The following KIF26B variants were observed in gnomAD, a reference collection of about 807,000 sequenced individuals.
KIF26B encodes the protein kinesin-like protein KIF26B.
KIF26B carries 63 observed loss-of-function variants against 151.2 expected under a neutral mutation model. That is an observed-to-expected ratio of 0.42 (90% confidence interval 0.34 to 0.51). The LOEUF is 0.51. Among genes scored for constraint, KIF26B ranks in the 20% least tolerant of loss-of-function variants. The pLI is 0.07. For synonymous variants in KIF26B, 1,357 were observed against 1,262.1 expected, an observed-to-expected ratio of 1.08 and a Z score of -1.59; for missense variants, 2,813 against 2,913.6, an observed-to-expected ratio of 0.97 and a Z score of 0.79.
intron 4 of KIF26B, among the ~76,000 whole-genome samples, chr1:245,513,663 G>A (rs539460341): frequency 3.3e-5 from 5 of 152,274 alleles, no homozygotes; most frequent in South Asian, 2.1e-4. Context: ...CTGGACAGCC[G>A]TCTTTCTAAC....
chr1:245,586,420 G>A (rs1478406966), intron 5 of KIF26B, among the ~76,000 whole-genome samples: 1 of 152,148 alleles, frequency 6.6e-6, no homozygotes, highest in African/African-American at 2.4e-5. Flanking sequence ...TGTGATTACA[G>A]AGCAGTGGTA....
At chr1:245,258,225 G>A (rs1226813853) in intron 2 of KIF26B, among the ~76,000 whole-genome samples, 2 of 152,160 alleles carry the variant, frequency 1.3e-5, no homozygotes, top group African/African-American at 4.8e-5. Flanking sequence ...TGTACATGAA[G>A]CCCCAGCGTC....
intron 10 of KIF26B, among the ~76,000 whole-genome samples, chr1:245,677,879 G>T (rs575490302): frequency 1.3e-5 from 2 of 152,374 alleles, no homozygotes; most frequent in South Asian, 4.1e-4. Context: ...TGAGACCTAG[G>T]AGACCCTTTG....
rs565265129 is a variant in KIF26B, at chr1:245,162,099, C to T, written c.465+5416C>T. Among the ~76,000 whole-genome samples, 12 of 152,320 alleles carry T rather than the reference C, an allele frequency of 7.9e-5. No individual in the cohort carries two copies. In the East Asian group the frequency reaches 1.2e-3, roughly 15 times the overall value. On this transcript the variant is annotated intron_variant, in intron 2 of 14. Coordinates refer to ENST00000407071, the MANE Select transcript of KIF26B (RefSeq NM_018012.4). Reference sequence around the variant, plus strand: ...CTTCTGCGAGGAAGAGTTCTTCAGCCGGCCATTTCAGTGCCCCATCGGCAG... The same window carrying T: ...CTTCTGCGAGGAAGAGTTCTTCAGCTGGCCATTTCAGTGCCCCATCGGCAG...
chr1:245,419,899 C>T (rs1658434890), intron 4 of KIF26B, among the ~76,000 whole-genome samples, 154 bp downstream of exon 4: 1 of 152,168 alleles, frequency 6.6e-6, no homozygotes, highest in Admixed American at 6.5e-5. Context: ...GCACTGTGAC[C>T]TCTCGGGCCA....
chr1:245,259,393 G>A (rs571087810), intron 2 of KIF26B, among the ~76,000 whole-genome samples: 2 of 152,224 alleles, frequency 1.3e-5, no homozygotes, highest in East Asian at 3.9e-4. Context: ...TCGCTGAAAT[G>A]CACACGTGTT....
chr1:245,692,002 T>C (rs1469764560), intron 12 of KIF26B, among the ~76,000 whole-genome samples: 1 of 152,210 alleles, frequency 6.6e-6, no homozygotes, highest in Non-Finnish European at 1.5e-5. Context: ...GCTTCAATTT[T>C]CTCATATGCA....
chr1:245,506,520 A>G (rs1009188751), intron 4 of KIF26B, among the ~76,000 whole-genome samples: 9 of 152,146 alleles, frequency 5.9e-5, no homozygotes, highest in African/African-American at 2.2e-4. Context: ...TTTTCAAATT[A>G]GTGGATGGCC....
chr1:245,248,558 G>A (rs1221012010), intron 2 of KIF26B, among the ~76,000 whole-genome samples: 1 of 152,208 alleles, frequency 6.6e-6, no homozygotes, highest in African/African-American at 2.4e-5. Flanking sequence ...GCTTTTGCAT[G>A]CTCTGCTGTG....
At chr1:245,539,617 TTTC>T (rs1661559936) in intron 4 of KIF26B, among the ~76,000 whole-genome samples, 1 of 152,170 alleles carries the variant, frequency 6.6e-6, no homozygotes, top group African/African-American at 2.4e-5. Context: ...CTTCCCCTGT[TTTC>T]TTCTTCTTTT....
chr1:245,476,794 G>A (rs1304809281), intron 4 of KIF26B, among the ~76,000 whole-genome samples: 1 of 151,694 alleles, frequency 6.6e-6, no homozygotes, highest in African/African-American at 2.4e-5. Flanking sequence ...CCAAAGTGCT[G>A]GGATTACAGA....
chr1:245,162,010 C>T (rs559847943), intron 2 of KIF26B, among the ~76,000 whole-genome samples: 6 of 152,254 alleles, frequency 3.9e-5, no homozygotes, highest in South Asian at 2.1e-4. Context: ...TACGTGCACC[C>T]ATTGGAGACC....
chr1:245,349,036 T>C (rs1313032228), intron 2 of KIF26B, among the ~76,000 whole-genome samples: 3 of 152,178 alleles, frequency 2.0e-5, no homozygotes, highest in African/African-American at 4.8e-5. Context: ...ACGTGACCTG[T>C]GTGTGCTTGT....
chr1:245,585,835 G>C (rs1048302705), intron 5 of KIF26B, among the ~76,000 whole-genome samples: 4 of 152,116 alleles, frequency 2.6e-5, no homozygotes, highest in Admixed American at 2.6e-4. Flanking sequence ...GCTGCTACTA[G>C]CATGCATACA....
At chr1:245,351,652 A>C (rs67701234) in intron 2 of KIF26B, among the ~76,000 whole-genome samples, 25,671 of 152,184 alleles carry the variant, frequency 0.17, 4,419 homozygotes, top group African/African-American at 0.43. Context: ...AGGCTCAAGA[A>C]GATTGAATGA....
intron 2 of KIF26B, among the ~76,000 whole-genome samples, chr1:245,327,067 C>T (rs944047606): frequency 5.9e-5 from 9 of 152,106 alleles, no homozygotes; most frequent in Non-Finnish European, 8.8e-5. Flanking sequence ...GTTTTGTAAA[C>T]GGACCTAAGC....
intron 5 of KIF26B, among the ~76,000 whole-genome samples, chr1:245,581,568 T>C (rs1405641719): frequency 3.3e-5 from 5 of 152,160 alleles, no homozygotes; most frequent in African/African-American, 1.2e-4. Context: ...GATGGCTAAC[T>C]GGGATATGGG....
rs945977516 is a variant in KIF26B at position 245,703,035 on chromosome 1, T to G, written c.*429T>G. ...AGTGCCTTGCAAATCTTTATTATTA[T>G]CCAAACATTTATGTTCATACTTTCT... On this transcript the variant is annotated 3_prime_UTR_variant, in exon 15 of 15. Coordinates refer to ENST00000407071, the MANE Select transcript of KIF26B (RefSeq NM_018012.4). The G allele has an allele frequency of 6.1e-6, 1 of 163,578 alleles. No homozygotes were observed. The highest frequency in any genetic ancestry group is 2.4e-5 in the African/African-American group (1 of 42,028). 10.1% of individuals were successfully genotyped at this position (163,578 alleles called of 1,614,324 possible). A position where few individuals can be genotyped will look rare whatever the true frequency, so the allele number is the denominator to read the frequency against.
At chr1:245,347,366 G>T (rs141522119) in intron 2 of KIF26B, among the ~76,000 whole-genome samples, 3 of 151,572 alleles carry the variant, frequency 2.0e-5, no homozygotes, top group Non-Finnish European at 4.4e-5. Context: ...AGGCTGGAGC[G>T]TAGTGGCGTA....
Sources: allele counts gnomAD v4.1 joint callset (sites outside exome capture counted in the v4.1 genomes callset), GRCh38; gene constraint gnomAD v4.1.1; transcripts MANE v1.5; gene names NCBI Gene and HGNC (gene_info 2026-07-23, HGNC 2026-07-21).